TMEM132C: variants seen among roughly 807,000 people sequenced by gnomAD.
The protein encoded by TMEM132C is transmembrane protein 132C.
TMEM132C carries 29 observed loss-of-function variants against 61.4 expected under a neutral mutation model. That is an observed-to-expected ratio of 0.47 (90% CI 0.35 to 0.64). The LOEUF (loss-of-function observed/expected upper bound fraction) is 0.64, where lower values mean the gene tolerates loss of function less well. Ranked by LOEUF, TMEM132C falls within the 30% of genes least tolerant of loss-of-function variation. The probability of loss-of-function intolerance (pLI) is 0.00; values close to 1 mark genes in which losing one functional copy is unlikely to be tolerated. For synonymous variants in TMEM132C, 656 were observed against 633.1 expected (o/e 1.04, Z -0.54); for missense variants, 1,408 against 1,476.9 (o/e 0.95, Z 0.76).
Position 128,364,925 on chromosome 12 carries a change from C to G in TMEM132C, c.86-49807C>G, listed in dbSNP as rs561472362. ...ATCTGGAGAGTCCCTCAGCTACAAC[C>G]CAGGTTTGGACGTCAGTAGAGAGTG... On this transcript the variant is annotated intron_variant, in intron 1 of 8. Coordinates refer to ENST00000435159, the MANE Select transcript of TMEM132C (RefSeq NM_001136103.3). Among the ~76,000 whole-genome samples the G allele has an allele frequency of 1.2e-4, 18 of 152,334 alleles. 1 individual carries two copies. In the South Asian group the frequency reaches 3.3e-3, roughly 28 times the overall value.
At chr12:128,321,135 G>A (rs1593010027) in intron 1 of TMEM132C, among the ~76,000 whole-genome samples, 3 of 128,078 alleles carry the variant, frequency 2.3e-5, no homozygotes, top group South Asian at 2.4e-4. Context: ...TGCCATTTTT[G>A]AAAAATAATA....
intron 2 of TMEM132C, among the ~76,000 whole-genome samples, chr12:128,472,798 C>A (rs1201796902): frequency 6.6e-6 from 1 of 152,144 alleles, no homozygotes; most frequent in Non-Finnish European, 1.5e-5. Flanking sequence ...TGTTTTTCAT[C>A]CCATTTGCTG....
intron 3 of TMEM132C, among the ~76,000 whole-genome samples, chr12:128,590,998 C>A (rs1477072282): frequency 3.9e-5 from 6 of 152,104 alleles, no homozygotes; most frequent in African/African-American, 1.2e-4. Context: ...GCCCAGGCTG[C>A]TCTCAGACTC....
At chr12:128,270,330 A>G (rs888404078) in intron 1 of TMEM132C, among the ~76,000 whole-genome samples, 2 of 152,238 alleles carry the variant, frequency 1.3e-5, no homozygotes, top group East Asian at 3.9e-4. Context: ...AGTCATATGC[A>G]TGTGTGGTAT....
intron 1 of TMEM132C, among the ~76,000 whole-genome samples, chr12:128,400,736 G>A (rs1200661043): frequency 6.6e-6 from 1 of 151,890 alleles, no homozygotes; most frequent in Non-Finnish European, 1.5e-5. Flanking sequence ...AGCCTCCTGA[G>A]TAGCTGGGCT....
Position 128,705,577 on chromosome 12 carries a change from AG to A in TMEM132C, c.2610del (p.Asn871ThrfsTer50). 1 of 1,551,194 alleles carries A rather than the reference AG, an allele frequency of 6.4e-7. No homozygotes were observed. The highest frequency in any genetic ancestry group is 8.7e-7 in the Non-Finnish European group (1 of 1,146,986). The part of the protein sequence containing the change: ...ARSLLDNKVV[K>X]NSRADGGRLA... ...TCCCTGCTGGACAACAAAGTGGTGA[AG>A]AACAGTCGGGCAGACGGGGGCAGGC... On this transcript the variant is annotated frameshift_variant, in exon 9 of 9. Transcript: ENST00000435159. LOFTEE classifies it low-confidence loss of function (END_TRUNC).
chr12:128,462,716 A>T (rs569132864), intron 2 of TMEM132C, among the ~76,000 whole-genome samples: 53 of 152,128 alleles, frequency 3.5e-4, no homozygotes, highest in Non-Finnish European at 7.1e-4. Flanking sequence ...GGGGAGCAAA[A>T]ATGTCCACAG....
At chr12:128,590,757 C>G (rs963269738) in intron 3 of TMEM132C, among the ~76,000 whole-genome samples, 1 of 152,160 alleles carries the variant, frequency 6.6e-6, no homozygotes, top group Non-Finnish European at 1.5e-5. Flanking sequence ...GAGGCTGGCT[C>G]AGGCAGACAT....
intron 2 of TMEM132C, among the ~76,000 whole-genome samples, chr12:128,488,618 G>A (rs1270421437): frequency 2.6e-5 from 4 of 151,920 alleles, no homozygotes; most frequent in Non-Finnish European, 5.9e-5. Context: ...CAGAGATCAT[G>A]CCACTGTACT....
chr12:128,458,214 TTATAA>T (rs1274417372), intron 2 of TMEM132C, among the ~76,000 whole-genome samples: 9 of 148,014 alleles, frequency 6.1e-5, no homozygotes, highest in South Asian at 4.2e-4. Flanking sequence ...AATTATATAA[TTATAA>T]TATATCATGG....
Position 128,267,266 on chromosome 12 carries a change from C to A in TMEM132C, c.-137C>A. On this transcript the variant is annotated 5_prime_UTR_variant, in exon 1 of 9. Coordinates refer to ENST00000435159, the MANE Select transcript of TMEM132C (RefSeq NM_001136103.3). ...CGGCGTGGACCCGGCAGGGGCGGGC[C>A]TCGGACAGCAGAGACGCAGCGGGCC... 2.6e-6 allele frequency: 1 copy of A among 391,740 alleles called. No individual in the cohort carries two copies. Among genetic ancestry groups the A allele is most frequent in the Non-Finnish European group, 3.5e-6 (1 of 289,048 alleles). 24.3% of individuals were successfully genotyped at this position (391,740 alleles called of 1,614,324 possible).
intron 3 of TMEM132C, among the ~76,000 whole-genome samples, chr12:128,585,922 A>G (rs1875528666): frequency 6.6e-6 from 1 of 152,100 alleles, no homozygotes; most frequent in Admixed American, 6.5e-5. Context: ...TGTAATGGGG[A>G]CAGAGGTTTA....
intron 4 of TMEM132C, among the ~76,000 whole-genome samples, chr12:128,659,368 C>T (rs191458277): frequency 2.3e-4 from 35 of 152,326 alleles, no homozygotes; most frequent in African/African-American, 1.2e-4. Flanking sequence ...CCATCTTTCT[C>T]TTCATTCTGA....
chr12:128,399,934 G>T (rs1392262410), intron 1 of TMEM132C: 1 of 152,228 alleles, frequency 6.6e-6, no homozygotes, highest in Non-Finnish European at 1.5e-5. Flanking sequence ...GTCTCTGGCT[G>T]CGTCACAGGA....
At chr12:128,504,866 A>G (rs1190216036) in intron 2 of TMEM132C, among the ~76,000 whole-genome samples, 2 of 149,694 alleles carry the variant, frequency 1.3e-5, no homozygotes, top group African/African-American at 4.9e-5. Flanking sequence ...AGTCCGTAAT[A>G]ATTTTTAACT....
At chr12:128,603,211 T>C (rs1876266287) in intron 3 of TMEM132C, among the ~76,000 whole-genome samples, 1 of 152,208 alleles carries the variant, frequency 6.6e-6, no homozygotes, top group African/African-American at 2.4e-5. Context: ...TTATCAGTTC[T>C]GCAGCCTTGC....
intron 1 of TMEM132C, among the ~76,000 whole-genome samples, chr12:128,409,107 A>G (rs1868423152): frequency 6.6e-6 from 1 of 152,238 alleles, no homozygotes; most frequent in South Asian, 2.1e-4. Flanking sequence ...TGGGTTTTCA[A>G]AGTTAGCAAT....
At chr12:128,492,335 G>A (rs528795897) in intron 2 of TMEM132C, among the ~76,000 whole-genome samples, 12 of 152,308 alleles carry the variant, frequency 7.9e-5, no homozygotes, top group African/African-American at 2.6e-4. Flanking sequence ...CTTTATAGCA[G>A]CATGATTTAT....
intron 4 of TMEM132C, among the ~76,000 whole-genome samples, chr12:128,643,464 T>C (rs1420131333): frequency 6.6e-6 from 1 of 151,718 alleles, no homozygotes; most frequent in Non-Finnish European, 1.5e-5. Flanking sequence ...GCTGAGGAAC[T>C]TGGCTCACCG....
Sources: gnomAD v4.1 joint callset for allele counts (sites outside exome capture counted in the v4.1 genomes callset) on GRCh38, gnomAD v4.1.1 for gene constraint, MANE v1.5 for transcripts, NCBI Gene and HGNC (gene_info 2026-07-23, HGNC 2026-07-21) for gene names.